The following SULF1 variants were observed in gnomAD, a reference collection of about 807,000 sequenced individuals.
The protein encoded by SULF1 is extracellular sulfatase Sulf-1.
In SULF1, 46 loss-of-function variants were observed where a neutral mutation model predicts 110.5. That is an observed-to-expected ratio of 0.42 (90% CI 0.33 to 0.53). The LOEUF (loss-of-function observed/expected upper bound fraction) is 0.53. Ranked by LOEUF, SULF1 falls within the 20% of genes least tolerant of loss-of-function variation. The pLI is 0.12. For missense variants in SULF1, 941 were observed against 1,094.2 expected (o/e 0.86, Z 1.98); for synonymous variants, 371 against 387.1 (o/e 0.96, Z 0.49).
upstream of SULF1, among the ~76,000 whole-genome samples, chr8:69,490,105 T>TC (rs1217880578): frequency 3.5e-5 from 5 of 143,068 alleles, no homozygotes; most frequent in Non-Finnish European, 7.7e-5. Context: ...TACTTTTCTT[T>TC]TTTTTTTTTT....
intron 22 of SULF1, among the ~76,000 whole-genome samples, chr8:69,657,818 T>A (rs1305000898): frequency 6.6e-6 from 1 of 152,188 alleles, no homozygotes; most frequent in African/African-American, 2.4e-5. Flanking sequence ...AGGGCTACAG[T>A]CATCCTGGAG....
chr8:69,498,846 G>T (rs79943584), intron 2 of SULF1, among the ~76,000 whole-genome samples: 1 of 152,168 alleles, frequency 6.6e-6, no homozygotes. Flanking sequence ...GGACCATGGA[G>T]CTCCAGTACA....
At chr8:69,491,917 G>A (rs1385096847), upstream of SULF1, among the ~76,000 whole-genome samples, 5 of 152,184 alleles carry the variant, frequency 3.3e-5, no homozygotes, top group Admixed American at 2.0e-4. Flanking sequence ...GCTTTTGTGG[G>A]GGAGGCGGGA....
chr8:69,609,883 A>G (rs558410414), intron 13 of SULF1, among the ~76,000 whole-genome samples: 3 of 152,280 alleles, frequency 2.0e-5, no homozygotes, highest in African/African-American at 7.2e-5. Context: ...GATGATTCCT[A>G]CGTGCAGACA....
chr8:69,564,060 AG>A lies in SULF1; in HGVS notation c.87del (p.Arg29SerfsTer35). ...CCTCTGTTCGACTGTCAGATCCCCG[AG>A]GTTCAGAGGACGGATACAGCAGGAA... is the stretch of plus-strand genomic sequence containing the variant. ...GSLCSTVRSP[R>X]FRGRIQQERK... On this transcript the variant is annotated frameshift_variant, in exon 5 of 23. Transcript: ENST00000402687. LOFTEE classifies it high-confidence loss of function. 6.2e-7 allele frequency: 1 copy of A among 1,614,210 alleles called. No homozygotes were observed. The highest frequency in any genetic ancestry group is 8.5e-7 in the Non-Finnish European group (1 of 1,180,042).
At chr8:69,548,543 G>A (rs1174817850) in intron 3 of SULF1, among the ~76,000 whole-genome samples, 1 of 150,810 alleles carries the variant, frequency 6.6e-6, no homozygotes, top group East Asian at 1.9e-4. Context: ...TGCCTCCTGG[G>A]TTCAAACAAT....
chr8:69,535,348 T>A (rs1390561516), intron 3 of SULF1, among the ~76,000 whole-genome samples: 1 of 152,126 alleles, frequency 6.6e-6, no homozygotes, highest in Non-Finnish European at 1.5e-5. Context: ...TGGCCCTGAG[T>A]GACCTGGCGT....
At chr8:69,586,582 A>G (rs1432545689) in intron 7 of SULF1, 74 bp downstream of exon 7, 10 of 1,474,966 alleles carry the variant, frequency 6.8e-6, no homozygotes, top group African/African-American at 1.4e-5. Context: ...TCAGTGAGTT[A>G]AACTATCCAC....
chr8:69,494,252 T>C (rs1023101687), intron 1 of SULF1, among the ~76,000 whole-genome samples: 7 of 152,228 alleles, frequency 4.6e-5, no homozygotes, highest in Non-Finnish European at 7.3e-5. Context: ...ATAGTATGTA[T>C]GTATATGTTA....
At chr8:69,535,966 C>T (rs771675542) in intron 3 of SULF1, among the ~76,000 whole-genome samples, 8 of 151,234 alleles carry the variant, frequency 5.3e-5, no homozygotes, top group Admixed American at 2.0e-4. Context: ...TGCAGTGAGC[C>T]GAGATTGTAC....
chr8:69,603,393 A>G, intron 11 of SULF1, 73 bp downstream of exon 11: 3 of 1,606,954 alleles, frequency 1.9e-6, no homozygotes, highest in Non-Finnish European at 2.6e-6. Context: ...GCCAGCCAGC[A>G]GCTGAAGACA....
intron 8 of SULF1, 110 bp from the exon 9 acceptor site, chr8:69,600,493 T>C (rs1272218676): frequency 1.7e-5 from 18 of 1,047,698 alleles, no homozygotes; most frequent in Non-Finnish European, 2.0e-5. Context: ...GAAAATGTTT[T>C]AGCAGTGTCT....
chr8:69,658,491 C>T lies in SULF1; in HGVS notation c.2586-14C>T. 1 of 1,564,094 alleles carries T rather than the reference C, an allele frequency of 6.4e-7. No homozygotes were observed. The highest frequency in any genetic ancestry group is 2.0e-4 in the Middle Eastern group (1 of 5,012). ...TTCTCCACTAATGATTCACCTTCTT[C>T]TCTCTTTTCACAGAGGACAGTTATG... On this transcript the variant is annotated splice_polypyrimidine_tract_variant and intron_variant, in intron 22 of 22. Transcript: ENST00000402687.
At chr8:69,546,496 A>T (rs1439371966) in intron 3 of SULF1, among the ~76,000 whole-genome samples, 1 of 152,220 alleles carries the variant, frequency 6.6e-6, no homozygotes, top group African/African-American at 2.4e-5. Context: ...CACAGGAAAG[A>T]TGCTAAATTC....
At position 69,625,624 on chromosome 8, in the gene SULF1, G is replaced by A. The variant is rs145261055; in HGVS notation, c.1850+1427G>A. Among the ~76,000 whole-genome samples the A allele has an allele frequency of 1.3e-4, 20 of 152,286 alleles. No homozygotes were observed. The East Asian group carries it at 2.3e-3, about 18-fold the overall frequency. ...TAAGGCAGCGCGTCTGGAGTTGTTCGTTCCTCCCAGTGGGCTCGTGGTCTC... is the reference window on the plus strand; with the variant it reads ...TAAGGCAGCGCGTCTGGAGTTGTTCATTCCTCCCAGTGGGCTCGTGGTCTC... On this transcript the variant is annotated intron_variant, in intron 15 of 22. Coordinates refer to ENST00000402687, the MANE Select transcript of SULF1 (RefSeq NM_001128205.2).
intron 3 of SULF1, among the ~76,000 whole-genome samples, chr8:69,559,246 A>G (rs1215753183): frequency 1.3e-5 from 2 of 152,230 alleles, no homozygotes; most frequent in Non-Finnish European, 2.9e-5. Flanking sequence ...CTGAAGCCAT[A>G]TCAATGAACT....
chr8:69,581,192 A>G (rs1806036037), intron 6 of SULF1, among the ~76,000 whole-genome samples: 1 of 152,224 alleles, frequency 6.6e-6, no homozygotes, highest in Non-Finnish European at 1.5e-5. Flanking sequence ...AACTTGGTTC[A>G]AAATTATTTA....
chr8:69,540,679 C>G (rs998703502), intron 3 of SULF1, among the ~76,000 whole-genome samples: 2 of 152,144 alleles, frequency 1.3e-5, no homozygotes, highest in African/African-American at 4.8e-5. Context: ...GCATTGGTGA[C>G]CATGGTCAGG....
chr8:69,469,533 G>T (rs554399594), intron 1 of SULF1: 1 of 152,274 alleles, frequency 6.6e-6, no homozygotes, highest in Admixed American at 6.5e-5. Context: ...TTATGAGTAG[G>T]AACCTCCATC....
Sources: allele counts gnomAD v4.1 joint callset (sites outside exome capture counted in the v4.1 genomes callset), GRCh38; gene constraint gnomAD v4.1.1; transcripts MANE v1.5; gene names NCBI Gene and HGNC (gene_info 2026-07-23, HGNC 2026-07-21).